Variants in SH3RF3 observed in about 807,000 individuals in gnomAD.
SH3RF3 encodes the protein E3 ubiquitin-protein ligase SH3RF3.
Under a neutral mutation model 66.3 loss-of-function variants are expected in SH3RF3, and 29 were observed. The observed-to-expected ratio is 0.44, with a 90% CI of 0.33 to 0.60. The LOEUF is 0.60. Ranked by LOEUF, SH3RF3 falls within the 20% of genes least tolerant of loss-of-function variation. SH3RF3 has a pLI of 0.04. For missense variants in SH3RF3, 1,194 were observed against 1,190.9 expected (o/e 1.00, Z -0.04); for synonymous variants, 583 against 532.0 (o/e 1.10, Z -1.32).
chr2:109,368,725 A>G (rs1404527829), intron 2 of SH3RF3, among the ~76,000 whole-genome samples: 1 of 145,684 alleles, frequency 6.9e-6, no homozygotes, highest in Non-Finnish European at 1.5e-5. Flanking sequence ...AAAAAAAAAG[A>G]AAAAGAAAAA....
At chr2:109,426,353 T>G (rs1240317257) in intron 5 of SH3RF3, among the ~76,000 whole-genome samples, 1 of 152,214 alleles carries the variant, frequency 6.6e-6, no homozygotes, top group Non-Finnish European at 1.5e-5. Flanking sequence ...GAGGTCAAAA[T>G]ATCAACATTA....
At chr2:109,190,659 TC>T (rs1475106381) in intron 1 of SH3RF3, among the ~76,000 whole-genome samples, 1 of 152,200 alleles carries the variant, frequency 6.6e-6, no homozygotes, top group Non-Finnish European at 1.5e-5. Flanking sequence ...TTGTTTCATT[TC>T]TACAGTCTAT....
chr2:109,451,586 C>T (rs1021370644), intron 8 of SH3RF3, among the ~76,000 whole-genome samples: 2 of 152,228 alleles, frequency 1.3e-5, no homozygotes, highest in Admixed American at 1.3e-4. Flanking sequence ...CATCACCCAC[C>T]TAAGTGTGAA....
At chr2:109,323,286 CA>C (rs1682072731) in intron 1 of SH3RF3, among the ~76,000 whole-genome samples, 1 of 152,138 alleles carries the variant, frequency 6.6e-6, no homozygotes, top group Non-Finnish European at 1.5e-5. Flanking sequence ...CTGACTGGCA[CA>C]GGGGCAAGTG....
intron 1 of SH3RF3, among the ~76,000 whole-genome samples, chr2:109,214,699 A>G (rs4476381): frequency 0.28 from 42,683 of 151,966 alleles, 6,343 homozygotes; most frequent in East Asian, 0.46. Context: ...GGACAGGACA[A>G]TCAGAAGATG....
At chr2:109,388,533 C>T (rs1387897679) in intron 3 of SH3RF3, among the ~76,000 whole-genome samples, 1 of 152,228 alleles carries the variant, frequency 6.6e-6, no homozygotes, top group African/African-American at 2.4e-5. Flanking sequence ...ATGTGAGTTA[C>T]AGCTCTGTAG....
At chr2:109,317,612 C>T (rs1458964958) in intron 1 of SH3RF3, among the ~76,000 whole-genome samples, 2 of 152,164 alleles carry the variant, frequency 1.3e-5, no homozygotes, top group African/African-American at 4.8e-5. Context: ...ACCTTGGTTT[C>T]TGTGACTTGC....
intron 1 of SH3RF3, among the ~76,000 whole-genome samples, chr2:109,317,290 G>A (rs866717945): frequency 5.9e-5 from 9 of 152,242 alleles, no homozygotes; most frequent in Middle Eastern, 6.8e-3. Flanking sequence ...CTTGCCCATG[G>A]TGACAGGGCG....
intron 1 of SH3RF3, chr2:109,141,348 T>G (rs1006113150): frequency 6.6e-6 from 1 of 152,594 alleles, no homozygotes. Context: ...CGTCTCTGCC[T>G]GGGTCCCTCT....
chr2:109,167,336 A>G (rs1482934514), intron 1 of SH3RF3, among the ~76,000 whole-genome samples: 1 of 152,230 alleles, frequency 6.6e-6, no homozygotes, highest in Non-Finnish European at 1.5e-5. Flanking sequence ...CAGCACTTGC[A>G]GGTGGAACAT....
At chr2:109,361,667 G>T (rs1683053218) in intron 2 of SH3RF3, among the ~76,000 whole-genome samples, 1 of 151,986 alleles carries the variant, frequency 6.6e-6, no homozygotes, top group African/African-American at 2.4e-5. Flanking sequence ...GTAGAGATGG[G>T]GTTTCACCAT....
chr2:109,462,305 C>T (rs997811841), intron 8 of SH3RF3, among the ~76,000 whole-genome samples: 4 of 151,834 alleles, frequency 2.6e-5, no homozygotes, highest in Non-Finnish European at 5.9e-5. Context: ...TGAAAGCAAA[C>T]TGCTTCAGTC....
At chr2:109,371,739 C>A in intron 3 of SH3RF3, 58 bp downstream of exon 3, 1 of 1,461,694 alleles carries the variant, frequency 6.8e-7, no homozygotes, top group Non-Finnish European at 9.5e-7. Flanking sequence ...TGTTTCACTA[C>A]AGTGGGGTCA....
At chr2:109,152,653 A>G (rs1347115500) in intron 1 of SH3RF3, among the ~76,000 whole-genome samples, 1 of 152,244 alleles carries the variant, frequency 6.6e-6, no homozygotes, top group East Asian at 1.9e-4. Flanking sequence ...ATTATTTAAT[A>G]AAGAGTAAGC....
chr2:109,413,244 A>T (rs1299554715), intron 4 of SH3RF3, among the ~76,000 whole-genome samples: 2 of 152,152 alleles, frequency 1.3e-5, no homozygotes, highest in Non-Finnish European at 2.9e-5. Flanking sequence ...CCTCCCAAGT[A>T]ACTGGGATTA....
In SH3RF3 at chr2:109,245,821, G is replaced by A. The variant is rs542394479; in HGVS notation, c.574-101853G>A. On this transcript the variant is annotated intron_variant, in intron 1 of 9. Coordinates refer to ENST00000309415, the MANE Select transcript of SH3RF3 (RefSeq NM_001099289.3). ...CTCAGGGGGACCCTCAGATCTTTAT[G>A]GAGTTTGTAAATCCATCATGAGAGA... Among the ~76,000 whole-genome samples the A allele has an allele frequency of 4.6e-5, 7 of 152,302 alleles. No homozygotes were observed. In the East Asian group the frequency reaches 1.3e-3, roughly 29 times the overall value.
intron 1 of SH3RF3, among the ~76,000 whole-genome samples, chr2:109,232,221 C>T (rs991710656): frequency 6.6e-6 from 1 of 152,222 alleles, no homozygotes; most frequent in African/African-American, 2.4e-5. Context: ...GGCTGCATCA[C>T]TACCACCCAA....
chr2:109,212,605 T>TC (rs1426074971), intron 1 of SH3RF3, among the ~76,000 whole-genome samples: 9 of 152,232 alleles, frequency 5.9e-5, no homozygotes, highest in Admixed American at 3.3e-4. Flanking sequence ...ATTTGACAGA[T>TC]CTTTTGGGTT....
At chr2:109,431,850 G>T (rs1269719576) in intron 5 of SH3RF3, among the ~76,000 whole-genome samples, 4 of 151,860 alleles carry the variant, frequency 2.6e-5, no homozygotes, top group Non-Finnish European at 5.9e-5. Context: ...CAGCCTGGGT[G>T]ACAGGGTGAG....
Sources: gnomAD v4.1 joint callset for allele counts (sites outside exome capture counted in the v4.1 genomes callset) on GRCh38, gnomAD v4.1.1 for gene constraint, MANE v1.5 for transcripts, NCBI Gene and HGNC (gene_info 2026-07-23, HGNC 2026-07-21) for gene names.